Variants in ZGRF1 observed in about 807,000 individuals in gnomAD.
The protein encoded by ZGRF1 is 5'-3' DNA helicase ZGRF1.
In ZGRF1, 196 loss-of-function variants were observed where a neutral mutation model predicts 203.5. That is an observed-to-expected ratio of 0.96 (90% CI 0.86 to 1.08). The LOEUF is 1.08. Among genes scored for constraint, ZGRF1 ranks in the 50% least tolerant of loss-of-function variants. The pLI is 0.00. For missense variants in ZGRF1, 2,326 were observed against 2,416.3 expected (o/e 0.96, Z 0.78); for synonymous variants, 809 against 841.3 (o/e 0.96, Z 0.66).
Position 112,547,266 on chromosome 4 carries a change from A to G in ZGRF1, c.5598+19T>C, listed in dbSNP as rs1443842346. ...AGAATCAATAAATGATAATTCCGTA[A>G]GAATTCAGCAGTATGTACCATTAAG... On this transcript the variant is annotated intron_variant, in intron 24 of 27. Transcript: ENST00000505019. The G allele has an allele frequency of 1.3e-6, 2 of 1,597,704 alleles. No individual in the cohort carries two copies. Among genetic ancestry groups the G allele is most frequent in the Admixed American group, 3.6e-5 (2 of 55,562 alleles).
chr4:112,575,331 C>T (rs375458788), intron 16 of ZGRF1, among the ~76,000 whole-genome samples: 3 of 152,252 alleles, frequency 2.0e-5, no homozygotes, highest in African/African-American at 7.2e-5. Flanking sequence ...CAGCTCCAGT[C>T]TACAGCTCCC....
At chr4:112,548,785 G>C (rs1162224433) in intron 22 of ZGRF1, among the ~76,000 whole-genome samples, 1 of 151,748 alleles carries the variant, frequency 6.6e-6, no homozygotes, top group African/African-American at 2.4e-5. Flanking sequence ...AATATTCTTT[G>C]CTTAACCTTC....
chr4:112,605,955 C>G lies in ZGRF1; in HGVS notation c.2802+53G>C, dbSNP rs187221110. The G allele has an allele frequency of 9.8e-4, 1,159 of 1,183,170 alleles. 1 individual carries two copies. The highest frequency in any genetic ancestry group is 1.3e-3 in the Non-Finnish European group (1,049 of 807,832). The allele number at this position is 1,183,170 out of a possible 1,614,324, so 73.3% of individuals were successfully genotyped here. ...TGTTTTTTTGTTTTTTTGTTTTAAA[C>G]AGAAAAGAAAATGTAGTTGGTTAAA... is the stretch of plus-strand genomic sequence containing the variant. On this transcript the variant is annotated intron_variant, in intron 9 of 27. Transcript: ENST00000505019.
At chr4:112,626,066 C>G (rs1489512262) in intron 3 of ZGRF1, among the ~76,000 whole-genome samples, 1 of 151,962 alleles carries the variant, frequency 6.6e-6, no homozygotes, top group Non-Finnish European at 1.5e-5. Context: ...AATCTAGAGA[C>G]AGTAAGTAGA....
intron 16 of ZGRF1, among the ~76,000 whole-genome samples, chr4:112,576,446 G>A (rs747951246): frequency 1.8e-4 from 28 of 152,178 alleles, no homozygotes; most frequent in Non-Finnish European, 3.7e-4. Flanking sequence ...TTGACAAGTC[G>A]AGAGAAGAAG....
chr4:112,557,823 T>C (rs1741228606), intron 20 of ZGRF1, among the ~76,000 whole-genome samples: 1 of 152,218 alleles, frequency 6.6e-6, no homozygotes, highest in African/African-American at 2.4e-5. Flanking sequence ...ACTTGCATCC[T>C]TAGCATCCCA....
rs1474840306 is a variant in ZGRF1 at position 112,606,386 on chromosome 4, G to A, written c.2719-295C>T. Among the ~76,000 whole-genome samples, 2 of 151,984 alleles carry A rather than the reference G, an allele frequency of 1.3e-5. 1 individual carries two copies. The highest frequency in any genetic ancestry group is 4.2e-4 in the South Asian group (2 of 4,816). On this transcript the variant is annotated intron_variant, in intron 8 of 27. Coordinates refer to ENST00000505019, the MANE Select transcript of ZGRF1 (RefSeq NM_018392.5). ...AGAAAAAAATGCCAGGTATAACTGG[G>A]TGCAGTGGCTTACGCCTGTAATCCC...
In ZGRF1 at chr4:112,606,010, T is replaced by C; in HGVS notation, c.2800A>G (p.Lys934Glu). The change falls in exon 9 of 28, where the codon AAG becomes GAG. Residue 934 changes from lysine to glutamate, a missense_variant and splice_region_variant. Transcript: ENST00000505019. ...KQIERKTCDP[K>E]PVEFQGHQVK... ...TCGATGTTCTTCACAAATTTTACCT[T>C]AGGGTCACAGGTTTTTCTCTCTATT... is the stretch of plus-strand genomic sequence containing the variant. 6.3e-7 allele frequency: 1 copy of C among 1,579,464 alleles called. No individual in the cohort carries two copies. The highest frequency in any genetic ancestry group is 8.7e-7 in the Non-Finnish European group (1 of 1,155,998).
intron 16 of ZGRF1, among the ~76,000 whole-genome samples, chr4:112,574,750 G>A (rs1744832461): frequency 6.6e-6 from 1 of 152,142 alleles, no homozygotes; most frequent in South Asian, 2.1e-4. Context: ...ACTCAATGCT[G>A]GCCGGGCATG....
Position 112,618,412 on chromosome 4 carries a change from C to A in ZGRF1, c.1630G>T (p.Glu544Ter). The A allele has an allele frequency of 1.2e-6, 2 of 1,613,868 alleles. No homozygotes were observed. The change falls in exon 6 of 28, where the codon GAG (glutamate) becomes TAG (stop). Residue 544 changes from glutamate to a stop codon, truncating the protein, a stop_gained. Coordinates refer to ENST00000505019, the MANE Select transcript of ZGRF1 (RefSeq NM_018392.5). LOFTEE classifies it high-confidence loss of function. ...ATTTTGTTGCTTTCCTGTGATTCCT[C>A]CTCAGTGTCACTGGTCTCAAAATTG... ...LNNFETSDTEEESQESNKISQ... is the reference protein window; with the variant it reads ...LNNFETSDTE
chr4:112,632,370 A>G (rs929585306), intron 2 of ZGRF1, among the ~76,000 whole-genome samples: 1 of 152,098 alleles, frequency 6.6e-6, no homozygotes, highest in Non-Finnish European at 1.5e-5. Context: ...ATTGGAAGGG[A>G]AAAAAATTAC....
intron 10 of ZGRF1, among the ~76,000 whole-genome samples, chr4:112,593,425 A>G (rs913661067): frequency 3.3e-5 from 5 of 152,214 alleles, no homozygotes; most frequent in African/African-American, 1.2e-4. Flanking sequence ...TCTATATAGC[A>G]GCCAGCAAAA....
intron 16 of ZGRF1, among the ~76,000 whole-genome samples, chr4:112,573,167 T>TAC (rs145611842): frequency 0.34 from 49,518 of 145,264 alleles, 8,828 homozygotes; most frequent in South Asian, 0.53. Flanking sequence ...GAAATTGTGA[T>TAC]ACACACACAC....
At chr4:112,542,636 C>T (rs889578246) in intron 24 of ZGRF1, among the ~76,000 whole-genome samples, 3 of 151,964 alleles carry the variant, frequency 2.0e-5, no homozygotes, top group African/African-American at 7.3e-5. Context: ...GACAGGGTCT[C>T]GCTGTTGCTT....
intron 10 of ZGRF1, among the ~76,000 whole-genome samples, chr4:112,600,118 A>G (rs1363661305): frequency 6.6e-6 from 1 of 152,066 alleles, no homozygotes; most frequent in African/African-American, 2.4e-5. Context: ...GGCAGCCTCA[A>G]TCTCCCAGGC....
At chr4:112,601,530 C>A (rs370084825) in intron 10 of ZGRF1, among the ~76,000 whole-genome samples, 53 of 150,348 alleles carry the variant, frequency 3.5e-4, no homozygotes, top group African/African-American at 1.2e-3. Flanking sequence ...GCTGAGATCA[C>A]GCCACTGCAC....
chr4:112,565,229 C>T (rs960101220), intron 16 of ZGRF1: 1 of 1,592,450 alleles, frequency 6.3e-7, no homozygotes, highest in Non-Finnish European at 8.6e-7. Flanking sequence ...GACTTTAAAA[C>T]AGATCTGCAC....
At chr4:112,599,188 A>G (rs917671091) in intron 10 of ZGRF1, among the ~76,000 whole-genome samples, 2 of 152,186 alleles carry the variant, frequency 1.3e-5, no homozygotes, top group Admixed American at 6.5e-5. Flanking sequence ...CTATACCAAA[A>G]CTGTAAAACA....
intron 10 of ZGRF1, among the ~76,000 whole-genome samples, chr4:112,592,150 T>G (rs908802291): frequency 6.7e-6 from 1 of 148,614 alleles, no homozygotes; most frequent in Non-Finnish European, 1.5e-5. Flanking sequence ...CAGGCTGGAG[T>G]GCAGTGGCGT....
Sources: allele counts gnomAD v4.1 joint callset (sites outside exome capture counted in the v4.1 genomes callset), GRCh38; gene constraint gnomAD v4.1.1; transcripts MANE v1.5; gene names NCBI Gene and HGNC (gene_info 2026-07-23, HGNC 2026-07-21).